RARB: variants seen among roughly 807,000 people sequenced by gnomAD.
RARB encodes HBV-activated protein.
Under a neutral mutation model 51.9 loss-of-function variants are expected in RARB, and 17 were observed. The observed-to-expected ratio is 0.33, with a 90% CI of 0.22 to 0.49. The LOEUF (loss-of-function observed/expected upper bound fraction) is 0.49. Among genes scored for constraint, RARB ranks in the 20% least tolerant of loss-of-function variants. RARB has a pLI of 0.99. For missense variants in RARB, 369 were observed against 550.8 expected (o/e 0.67, Z 3.30); for synonymous variants, 215 against 195.4 (o/e 1.10, Z -0.84).
At chr3:25,371,283 G>A (rs545334425) in intron 5 of RARB, among the ~76,000 whole-genome samples, 4 of 152,194 alleles carry the variant, frequency 2.6e-5, no homozygotes, top group Admixed American at 2.6e-4. Flanking sequence ...TCCAAGCTAG[G>A]TCACCTTCAC....
At chr3:25,470,493 T>G (rs1433128627) in intron 2 of RARB, among the ~76,000 whole-genome samples, 1 of 152,106 alleles carries the variant, frequency 6.6e-6, no homozygotes, top group Non-Finnish European at 1.5e-5. Flanking sequence ...TATAGATGTG[T>G]AAGCATTTTC....
Position 25,298,206 on chromosome 3 carries a change from G to A in RARB, c.178+123631G>A, listed in dbSNP as rs192606820. Among the ~76,000 whole-genome samples the A allele has an allele frequency of 3.9e-3, 582 of 147,846 alleles. 7 individuals are homozygous for A. The highest frequency in any genetic ancestry group is 0.012 in the Admixed American group (178 of 14,864). On this transcript the variant is annotated intron_variant, in intron 5 of 11. Transcript: ENST00000383772. ...AATCTTTTTTTTTTTTTTTTGAGAC[G>A]GAATCTCGCTCTGTCACCCAGGCTG...
chr3:25,281,122 T>C (rs532094286), intron 5 of RARB, among the ~76,000 whole-genome samples: 1 of 152,334 alleles, frequency 6.6e-6, no homozygotes, highest in African/African-American at 2.4e-5. Flanking sequence ...AGATTATAAA[T>C]CCACTCTCTT....
At chr3:25,370,790 G>A (rs966884305) in intron 5 of RARB, among the ~76,000 whole-genome samples, 8 of 152,280 alleles carry the variant, frequency 5.3e-5, no homozygotes, top group African/African-American at 1.7e-4. Flanking sequence ...GCTTGCTGGC[G>A]TCAAACAACA....
At chr3:24,910,355 C>T (rs1008142175) in intron 2 of RARB, among the ~76,000 whole-genome samples, 10 of 152,160 alleles carry the variant, frequency 6.6e-5, no homozygotes, top group Non-Finnish European at 1.2e-4. Context: ...TAATGTCTAG[C>T]TCTTCTTACC....
At chr3:25,068,024 C>G (rs1460123630) in intron 3 of RARB, among the ~76,000 whole-genome samples, 1 of 151,306 alleles carries the variant, frequency 6.6e-6, no homozygotes, top group Non-Finnish European at 1.5e-5. Context: ...GTAATGCCAG[C>G]TACTCAGGCT....
At chr3:25,040,645 C>T (rs1046499067) in intron 2 of RARB, among the ~76,000 whole-genome samples, 10 of 152,150 alleles carry the variant, frequency 6.6e-5, no homozygotes, top group Non-Finnish European at 1.3e-4. Context: ...AGAAGCTACT[C>T]AGGAGACTGA....
chr3:25,341,403 C>G (rs1314304353), intron 5 of RARB, among the ~76,000 whole-genome samples: 1 of 152,150 alleles, frequency 6.6e-6, no homozygotes, highest in Non-Finnish European at 1.5e-5. Flanking sequence ...TTGTGGAACT[C>G]ATGGTTTATT....
intron 5 of RARB, among the ~76,000 whole-genome samples, chr3:25,377,233 C>A (rs1170325433): frequency 6.6e-6 from 1 of 152,144 alleles, no homozygotes; most frequent in Non-Finnish European, 1.5e-5. Context: ...TATTCCTGGA[C>A]TTTGTCTAAT....
intron 4 of RARB, among the ~76,000 whole-genome samples, chr3:25,576,193 C>A (rs1472964460): frequency 2.6e-5 from 4 of 152,120 alleles, no homozygotes; most frequent in Non-Finnish European, 5.9e-5. Context: ...TTCCTAGGGG[C>A]TTTGGGTGCT....
intron 5 of RARB, among the ~76,000 whole-genome samples, chr3:25,237,363 T>A (rs1211813979): frequency 6.6e-6 from 1 of 152,140 alleles, no homozygotes; most frequent in Non-Finnish European, 1.5e-5. Flanking sequence ...TCTGCTTTTT[T>A]TCCTATCTGA....
intron 2 of RARB, among the ~76,000 whole-genome samples, chr3:25,485,587 C>T (rs910672889): frequency 1.3e-5 from 2 of 152,196 alleles, no homozygotes; most frequent in Admixed American, 6.5e-5. Flanking sequence ...CTGTGAACTC[C>T]GGTTCTTTGT....
At chr3:24,844,872 GACTT>G (rs1235297920) in intron 1 of RARB, among the ~76,000 whole-genome samples, 1 of 152,128 alleles carries the variant, frequency 6.6e-6, no homozygotes, top group Non-Finnish European at 1.5e-5. Context: ...CAAGTCAGGT[GACTT>G]ACTTTTGGAG....
intron 2 of RARB, among the ~76,000 whole-genome samples, chr3:25,002,188 G>A (rs1338775267): frequency 6.6e-6 from 1 of 152,124 alleles, no homozygotes; most frequent in Non-Finnish European, 1.5e-5. Context: ...AACATTTATT[G>A]GGCACTCTTT....
intron 1 of RARB, among the ~76,000 whole-genome samples, chr3:24,842,640 A>G (rs1030526863): frequency 6.6e-5 from 10 of 152,204 alleles, no homozygotes; most frequent in South Asian, 2.1e-4. Context: ...ACAATTTCCT[A>G]TGAGCTTAAA....
rs1475405153 is a variant in RARB at position 25,501,315 on chromosome 3, C to A, written c.440C>A (p.Ser147Tyr). 2 of 1,607,540 alleles carry A rather than the reference C, an allele frequency of 1.2e-6. No homozygotes were observed. Among genetic ancestry groups the A allele is most frequent in the Non-Finnish European group, 1.7e-6 (2 of 1,178,540 alleles). Residue 147 changes from serine (S) to tyrosine (Y), a missense_variant, in exon 3 of 8, where the codon TCC becomes TAC. This residue lies in a region of RARB where 9 missense variants were observed against 33.1 expected (regional missense o/e 0.27). Transcript: ENST00000330688. ...RLQKCFEVGM[S>Y]KESVRNDRNK... is the part of the protein sequence containing the mutation. ...CAGAAGTGCTTTGAAGTGGGAATGT[C>A]CAAAGAATGTAAGTGGAGTCTCAAA...
intron 5 of RARB, among the ~76,000 whole-genome samples, chr3:25,219,261 A>G (rs1701895277): frequency 1.0e-5 from 1 of 99,962 alleles, no homozygotes; most frequent in Non-Finnish European, 2.4e-5. Context: ...AATTACCTCT[A>G]GGTTAAAAAA....
chr3:25,426,758 T>C (rs918177525), upstream of RARB, among the ~76,000 whole-genome samples: 2 of 152,232 alleles, frequency 1.3e-5, no homozygotes, highest in African/African-American at 4.8e-5. Flanking sequence ...TTATTTGATG[T>C]ATGTTGCATC....
At chr3:25,381,947 T>A (rs1706639194) in intron 5 of RARB, among the ~76,000 whole-genome samples, 1 of 152,178 alleles carries the variant, frequency 6.6e-6, no homozygotes, top group African/African-American at 2.4e-5. Context: ...GCCGTCTCCA[T>A]CTCAATCCCT....
Sources: allele counts gnomAD v4.1 joint callset (sites outside exome capture counted in the v4.1 genomes callset), GRCh38; gene constraint gnomAD v4.1.1; regional missense constraint gnomAD v4.1.1; transcripts MANE v1.5; gene names NCBI Gene and HGNC (gene_info 2026-07-23, HGNC 2026-07-21).